Variants in HLCS observed in about 807,000 individuals in gnomAD.
HLCS encodes the protein biotin--protein ligase.
Under a neutral mutation model 75.0 loss-of-function variants are expected in HLCS, and 53 were observed. That is an observed-to-expected ratio of 0.71 (90% CI 0.57 to 0.89). HLCS has a LOEUF of 0.89. Among genes scored for constraint, HLCS ranks in the 40% least tolerant of loss-of-function variants. The probability of loss-of-function intolerance (pLI) is 0.00; values close to 1 mark genes in which losing one functional copy is unlikely to be tolerated. For missense variants in HLCS, 966 were observed against 1,074.0 expected (o/e 0.90, Z 1.41); for synonymous variants, 431 against 428.6 (o/e 1.01, Z -0.07).
In HLCS at chr21:36,819,594, A is replaced by T. The variant is rs1569055274; in HGVS notation, c.1893-52309T>A. On this transcript the variant is annotated intron_variant, in intron 6 of 10. Transcript: ENST00000674895. ...GATACGGACAGTATCATTTACGGAAAGCTTCTAATACAGCATCTGTTTTAC... is the reference window on the plus strand; with the variant it reads ...GATACGGACAGTATCATTTACGGAATGCTTCTAATACAGCATCTGTTTTAC... 2.0e-5 allele frequency among the ~76,000 whole-genome samples: 3 copies of T among 152,322 alleles called. No individual in the cohort carries two copies. The South Asian group carries it at 6.2e-4, about 32-fold the overall frequency.
rs536816583 is a variant in HLCS at position 36,811,883 on chromosome 21, T to G, written c.1893-44598A>C. Among the ~76,000 whole-genome samples the G allele has an allele frequency of 1.0e-3, 154 of 152,250 alleles. No individual in the cohort carries two copies. The Middle Eastern group carries it at 0.017, about 17-fold the overall frequency. Reference sequence around the variant, plus strand: ...TGCAGCGGCTGCTGTGACCAGCCACTCACTTGCTGAAGGATCAGGGAGAGA... The same window carrying G: ...TGCAGCGGCTGCTGTGACCAGCCACGCACTTGCTGAAGGATCAGGGAGAGA... On this transcript the variant is annotated intron_variant, in intron 6 of 10. Coordinates refer to ENST00000674895, the MANE Select transcript of HLCS (RefSeq NM_001352514.2).
chr21:36,944,895 G>A (rs184219964), intron 2 of HLCS, among the ~76,000 whole-genome samples: 6 of 152,234 alleles, frequency 3.9e-5, no homozygotes, highest in African/African-American at 1.4e-4. Flanking sequence ...GGCTGAGGCG[G>A]GTGGATCACG....
At chr21:36,873,252 G>C (rs1046848073) in intron 6 of HLCS, among the ~76,000 whole-genome samples, 4 of 152,060 alleles carry the variant, frequency 2.6e-5, no homozygotes, top group African/African-American at 9.7e-5. Flanking sequence ...CCAGTAGCTG[G>C]GACTACAGGC....
intron 6 of HLCS, among the ~76,000 whole-genome samples, chr21:36,821,441 T>A (rs2061838263): frequency 6.6e-6 from 1 of 152,242 alleles, no homozygotes; most frequent in East Asian, 1.9e-4. Context: ...ATTCACTTAT[T>A]CATTCAGTTC....
intron 2 of HLCS, among the ~76,000 whole-genome samples, chr21:36,950,760 A>T (rs1291944601): frequency 6.6e-6 from 1 of 152,088 alleles, no homozygotes; most frequent in Non-Finnish European, 1.5e-5. Context: ...CAGTTATATC[A>T]TCCTTAATTT....
At chr21:36,810,681 T>A (rs2061486317) in intron 6 of HLCS, among the ~76,000 whole-genome samples, 3 of 152,232 alleles carry the variant, frequency 2.0e-5, no homozygotes, top group African/African-American at 7.2e-5. Context: ...AAGATCTTGA[T>A]CTGCCATTCT....
chr21:36,762,140 T>C (rs576349794), intron 8 of HLCS, among the ~76,000 whole-genome samples: 8 of 152,366 alleles, frequency 5.3e-5, no homozygotes, highest in Non-Finnish European at 7.3e-5. Context: ...AATCCTGCTT[T>C]TGAAGAGCTG....
At chr21:36,883,364 C>A (rs1334498047) in intron 6 of HLCS, among the ~76,000 whole-genome samples, 1 of 152,152 alleles carries the variant, frequency 6.6e-6, no homozygotes, top group East Asian at 1.9e-4. Context: ...AGGAAAAATA[C>A]CTGCTGGGAT....
intron 1 of HLCS, among the ~76,000 whole-genome samples, chr21:36,984,201 G>T (rs1482923334): frequency 8.2e-6 from 1 of 121,990 alleles, no homozygotes; most frequent in Admixed American, 9.5e-5. Flanking sequence ...TAAGCAAACT[G>T]TGGTAGAGTA....
At chr21:36,920,138 G>C (rs1468430912) in intron 5 of HLCS, among the ~76,000 whole-genome samples, 1 of 152,042 alleles carries the variant, frequency 6.6e-6, no homozygotes, top group Admixed American at 6.5e-5. Flanking sequence ...TTTGAGACCA[G>C]TTTGGGCAAA....
chr21:36,962,448 T>C (rs1161354122), intron 1 of HLCS, among the ~76,000 whole-genome samples: 1 of 152,158 alleles, frequency 6.6e-6, no homozygotes, highest in African/African-American at 2.4e-5. Flanking sequence ...ATCCCCGCCA[T>C]TCCTCACTGC....
intron 6 of HLCS, among the ~76,000 whole-genome samples, chr21:36,853,512 G>A (rs2835498): frequency 0.27 from 40,940 of 152,022 alleles, 6,375 homozygotes; most frequent in African/African-American, 0.43. Flanking sequence ...GTATGTTATT[G>A]TATTGATGAG....
At position 36,784,190 on chromosome 21, in the gene HLCS, G is replaced by T. The variant is rs550958204; in HGVS notation, c.1893-16905C>A. ...AAGTGGAAGCTACACCGCAGAAGTG[G>T]CCTGGTGAGATCAGAGAACAGTCAA... On this transcript the variant is annotated intron_variant, in intron 6 of 10. Coordinates refer to ENST00000674895, the MANE Select transcript of HLCS (RefSeq NM_001352514.2). Among the ~76,000 whole-genome samples the T allele has an allele frequency of 2.0e-5, 3 of 152,230 alleles. No homozygotes were observed. In the East Asian group the frequency reaches 5.8e-4, roughly 29 times the overall value.
At chr21:36,970,993 C>G (rs547900132), upstream of HLCS, among the ~76,000 whole-genome samples, 1 of 92,762 alleles carries the variant, frequency 1.1e-5, no homozygotes, top group East Asian at 3.0e-4. Flanking sequence ...GACTCCATCT[C>G]AAAAAAAAAA....
intron 6 of HLCS, among the ~76,000 whole-genome samples, chr21:36,808,534 GA>G (rs1234297628): frequency 6.6e-6 from 1 of 152,158 alleles, no homozygotes; most frequent in Non-Finnish European, 1.5e-5. Context: ...CTATAATAAA[GA>G]ACTCTTCTCA....
chr21:36,772,213 A>C (rs941898799), intron 6 of HLCS, among the ~76,000 whole-genome samples: 14 of 152,146 alleles, frequency 9.2e-5, no homozygotes, highest in African/African-American at 3.4e-4. Context: ...GATAATTAAA[A>C]ATTTTTTATT....
intron 2 of HLCS, among the ~76,000 whole-genome samples, chr21:36,949,103 A>G (rs1262690749): frequency 6.6e-6 from 1 of 152,148 alleles, no homozygotes; most frequent in Admixed American, 6.6e-5. Flanking sequence ...CACTGATGTA[A>G]GCTGAGGAAG....
intron 6 of HLCS, among the ~76,000 whole-genome samples, chr21:36,879,280 C>T (rs747114632): frequency 3.9e-5 from 6 of 152,138 alleles, no homozygotes; most frequent in Non-Finnish European, 5.9e-5. Context: ...GGGGTCACTA[C>T]AGAATTATAC....
intron 6 of HLCS, among the ~76,000 whole-genome samples, chr21:36,875,556 G>A (rs903847458): frequency 1.3e-5 from 2 of 152,118 alleles, no homozygotes; most frequent in Non-Finnish European, 2.9e-5. Flanking sequence ...ACATGTCTGC[G>A]GAAAGGAGCT....
Sources: allele counts gnomAD v4.1 joint callset (sites outside exome capture counted in the v4.1 genomes callset), GRCh38; gene constraint gnomAD v4.1.1; transcripts MANE v1.5; gene names NCBI Gene and HGNC (gene_info 2026-07-23, HGNC 2026-07-21).